CENPE: variants seen among roughly 807,000 people sequenced by gnomAD.
The protein encoded by CENPE is centromere-associated protein E.
A neutral mutation model predicts 336.1 loss-of-function variants in CENPE; 145 were observed. The observed-to-expected ratio is 0.43, with a 90% CI of 0.38 to 0.50. The LOEUF is 0.50. CENPE is among the 20% of genes least tolerant of loss of function. CENPE has a pLI of 0.00. For synonymous variants in CENPE, 1,013 were observed against 984.8 expected, an observed-to-expected ratio of 1.03 and a Z score of -0.54; for missense variants, 2,719 against 3,023.3, an observed-to-expected ratio of 0.90 and a Z score of 2.36.
Position 103,174,789 on chromosome 4 carries a change from TC to T in CENPE, c.1593del (p.Asn532MetfsTer9). The T allele has an allele frequency of 1.3e-6, 2 of 1,556,610 alleles. No individual in the cohort carries two copies. The highest frequency in any genetic ancestry group is 1.7e-6 in the Non-Finnish European group (2 of 1,151,326). ...KEEMELKLKE[K>X]NDLDEFEALE... ...AGAGCCTCAAATTCATCCAAATCAT[TC>T]TTTTCTTTTAATTTCAATTCCATTT... On this transcript the variant is annotated frameshift_variant, in exon 16 of 49. Coordinates refer to ENST00000265148, the MANE Select transcript of CENPE (RefSeq NM_001813.3). LOFTEE classifies it high-confidence loss of function.
chr4:103,112,236 G>A (rs957988527), intron 46 of CENPE, among the ~76,000 whole-genome samples: 1 of 146,722 alleles, frequency 6.8e-6, no homozygotes, highest in South Asian at 2.1e-4. Context: ...AAATATATAA[G>A]TATTATATAT....
chr4:103,107,648 C>G (rs1484238892), intron 48 of CENPE, among the ~76,000 whole-genome samples: 1 of 152,128 alleles, frequency 6.6e-6, no homozygotes, highest in Non-Finnish European at 1.5e-5. Context: ...AACCTCCATG[C>G]AGAGCTGGGG....
intron 13 of CENPE, among the ~76,000 whole-genome samples, chr4:103,178,414 G>A (rs1756058809): frequency 6.6e-6 from 1 of 152,120 alleles, no homozygotes; most frequent in African/African-American, 2.4e-5. Context: ...CATCTCAGCA[G>A]AAGAATTAAA....
intron 30 of CENPE, 56 bp downstream of exon 30, chr4:103,145,773 T>C: frequency 6.5e-7 from 1 of 1,530,732 alleles, no homozygotes. Context: ...TTAGGGTTTA[T>C]AATAATATTT....
At chr4:103,136,709 G>A (rs542860674) in intron 39 of CENPE, among the ~76,000 whole-genome samples, 2 of 152,310 alleles carry the variant, frequency 1.3e-5, no homozygotes, top group South Asian at 4.1e-4. Flanking sequence ...AATTAAGTAT[G>A]TATTGTAGTT....
chr4:103,188,691 G>A (rs967350805), intron 8 of CENPE, among the ~76,000 whole-genome samples: 1 of 152,128 alleles, frequency 6.6e-6, no homozygotes, highest in African/African-American at 2.4e-5. Context: ...GAGAAAGCAG[G>A]AAAGATCTAA....
At chr4:103,149,498 A>T in intron 26 of CENPE, 90 bp from the exon 27 acceptor site, 1 of 1,102,226 alleles carries the variant, frequency 9.1e-7, no homozygotes, top group Admixed American at 2.8e-5. Context: ...TCCTATCAGC[A>T]TATAAATAGG....
chr4:103,148,489 C>T (rs890913556), intron 28 of CENPE, among the ~76,000 whole-genome samples: 1 of 152,182 alleles, frequency 6.6e-6, no homozygotes, highest in African/African-American at 2.4e-5. Flanking sequence ...TTTATATCTA[C>T]AGTCTCAATG....
At position 103,151,514 on chromosome 4, in the gene CENPE, A is replaced by C. The variant is rs1318879249; in HGVS notation, c.3238-137T>G. ...ATATAGGAAAAGACAAATTTCAAAA[A>C]AGAAAGTCCTTATTTTAATAATATA... On this transcript the variant is annotated intron_variant, in intron 25 of 48. Coordinates refer to ENST00000265148, the MANE Select transcript of CENPE (RefSeq NM_001813.3). 8.2e-6 allele frequency: 5 copies of C among 607,496 alleles called. No homozygotes were observed. The Admixed American group carries it at 1.2e-4, about 14-fold the overall frequency. The allele number at this position is 607,496 out of a possible 1,614,324, so 37.6% of individuals were successfully genotyped here.
Position 103,185,721 on chromosome 4 carries a change from T to C in CENPE, c.745+89A>G. ...TTATTAATAATGAATATAATTACTT[T>C]ATCAATTTCTAAAAATGCCTGGTAG... On this transcript the variant is annotated intron_variant, in intron 9 of 48. Coordinates refer to ENST00000265148, the MANE Select transcript of CENPE (RefSeq NM_001813.3). 7 of 697,562 alleles carry C rather than the reference T, an allele frequency of 1.0e-5. No individual in the cohort carries two copies. The South Asian group carries it at 1.3e-4, about 13-fold the overall frequency. The allele number at this position is 697,562 out of a possible 1,614,324, so 43.2% of individuals were successfully genotyped here.
At chr4:103,185,883 A>T (rs1268883520) in intron 8 of CENPE, 22 bp from the exon 9 acceptor site, 2 of 1,554,186 alleles carry the variant, frequency 1.3e-6, no homozygotes, top group Admixed American at 3.5e-5. Flanking sequence ...ATAAAAATAA[A>T]TCCTTAGGGC....
intron 41 of CENPE, among the ~76,000 whole-genome samples, chr4:103,133,201 T>C (rs1343598892): frequency 6.6e-6 from 1 of 152,008 alleles, no homozygotes; most frequent in Non-Finnish European, 1.5e-5. Context: ...ATTGCTACAA[T>C]ACCTGAAGTG....
At position 103,126,032 on chromosome 4, in the gene CENPE, G is replaced by C. The variant is rs543081170; in HGVS notation, c.6925-2943C>G. On this transcript the variant is annotated intron_variant, in intron 42 of 48. Transcript: ENST00000265148. ...GGCAGATACAGAGAATTACAACTTAGAGCAGAAACCCTTTGCAGGAACCAG... is the reference window on the plus strand; with the variant it reads ...GGCAGATACAGAGAATTACAACTTACAGCAGAAACCCTTTGCAGGAACCAG... Among the ~76,000 whole-genome samples the C allele has an allele frequency of 2.6e-5, 4 of 152,236 alleles. No homozygotes were observed. The South Asian group carries it at 8.3e-4, about 32-fold the overall frequency.
chr4:103,127,114 C>CAAAAAAAA (rs1246212242), intron 42 of CENPE, among the ~76,000 whole-genome samples: 2 of 123,112 alleles, frequency 1.6e-5, no homozygotes, highest in African/African-American at 5.6e-5. Flanking sequence ...AAAAAAAAAC[C>CAAAAAAAA]AAAAAAACCC....
chr4:103,143,627 C>T (rs1752751188), intron 33 of CENPE, among the ~76,000 whole-genome samples: 1 of 152,186 alleles, frequency 6.6e-6, no homozygotes, highest in African/African-American at 2.4e-5. Flanking sequence ...AGCACTATAG[C>T]TCTACCACAT....
Position 103,185,821 on chromosome 4 carries a change from G to A in CENPE, c.734C>T (p.Thr245Ile). The A allele has an allele frequency of 6.2e-7, 1 of 1,609,110 alleles. No individual in the cohort carries two copies. Among genetic ancestry groups the A allele is most frequent in the Non-Finnish European group, 8.5e-7 (1 of 1,176,754 alleles). The change falls in exon 9 of 49, where the codon ACA becomes ATA. Residue 245 changes from threonine to isoleucine, a missense_variant. Transcript: ENST00000265148. ...DLAGSERAAQTGAAGVRLKEG... is the reference protein window; with the variant it reads ...DLAGSERAAQIGAAGVRLKEG... Reference sequence around the variant, plus strand: ...TGAGTTTTAATTACCTGCAGCGCCTGTTTGAGCAGCTCTTTCACTGCCTGC... The same window carrying A: ...TGAGTTTTAATTACCTGCAGCGCCTATTTGAGCAGCTCTTTCACTGCCTGC...
intron 28 of CENPE, 52 bp downstream of exon 28, chr4:103,148,792 A>C (rs1414967857): frequency 6.6e-7 from 1 of 1,507,330 alleles, no homozygotes; most frequent in Non-Finnish European, 9.1e-7. Flanking sequence ...CTTTCCTTCA[A>C]AGGAGAAAGG....
At position 103,174,787 on chromosome 4, in the gene CENPE, A is replaced by G; in HGVS notation, c.1596T>C (p.Asn532=). The change falls in exon 16 of 49, where the codon AAT becomes AAC. Residue 532 remains asparagine, a synonymous_variant. Transcript: ENST00000265148. ...EEMELKLKEK[N]DLDEFEALER... ...CTAGAGCCTCAAATTCATCCAAATC[A>G]TTCTTTTCTTTTAATTTCAATTCCA... 13 of 1,556,100 alleles carry G rather than the reference A, an allele frequency of 8.4e-6. No individual in the cohort carries two copies. Among genetic ancestry groups the G allele is most frequent in the Non-Finnish European group, 1.1e-5 (13 of 1,151,652 alleles).
intron 39 of CENPE, among the ~76,000 whole-genome samples, chr4:103,137,912 T>A (rs1752202344): frequency 1.3e-5 from 2 of 152,202 alleles, no homozygotes; most frequent in Non-Finnish European, 2.9e-5. Flanking sequence ...CCTCACTTAA[T>A]AAAACTCAGT....
Sources: allele counts gnomAD v4.1 joint callset (sites outside exome capture counted in the v4.1 genomes callset), GRCh38; gene constraint gnomAD v4.1.1; transcripts MANE v1.5; gene names NCBI Gene and HGNC (gene_info 2026-07-23, HGNC 2026-07-21).